Variants in ADGRL3 observed in about 807,000 individuals in gnomAD.
ADGRL3 encodes the protein calcium-independent alpha-latrotoxin receptor 3.
Under a neutral mutation model 153.5 loss-of-function variants are expected in ADGRL3, and 62 were observed. That is an observed-to-expected ratio of 0.40 (90% confidence interval 0.33 to 0.50). The LOEUF (loss-of-function observed/expected upper bound fraction) is 0.50, where lower values mean the gene tolerates loss of function less well. Ranked by LOEUF, ADGRL3 falls within the 20% of genes least tolerant of loss-of-function variation. The probability of loss-of-function intolerance (pLI) is 0.47; values close to 1 mark genes in which losing one functional copy is unlikely to be tolerated. For synonymous variants in ADGRL3, 710 were observed against 672.5 expected (o/e 1.06, Z -0.86); for missense variants, 1,641 against 1,859.4 (o/e 0.88, Z 2.16).
chr4:61,837,034 G>C (rs926590668), intron 9 of ADGRL3, among the ~76,000 whole-genome samples: 4 of 152,068 alleles, frequency 2.6e-5, no homozygotes, highest in African/African-American at 9.7e-5. Flanking sequence ...TTGAAAATTT[G>C]ACAAGATAAA....
intron 1 of ADGRL3, among the ~76,000 whole-genome samples, chr4:61,331,950 T>C (rs1169427051): frequency 6.6e-6 from 1 of 152,036 alleles, no homozygotes; most frequent in Non-Finnish European, 1.5e-5. Context: ...CAGTGTTCTG[T>C]AGGAGTGGAC....
In ADGRL3 at chr4:61,270,793, CT is replaced by C. The variant is rs1379101403; in HGVS notation, c.-240+69031del. On this transcript the variant is annotated intron_variant, in intron 1 of 26. Transcript: ENST00000683033. ...AAAGCACCTGATTTTCTCTTTATGA[CT>C]TTACTGATCAGTTTTTGCATTGTCT... is the stretch of plus-strand genomic sequence containing the variant. 5.3e-5 allele frequency among the ~76,000 whole-genome samples: 8 copies of C among 151,622 alleles called. No homozygotes were observed. In the East Asian group the frequency reaches 1.4e-3, roughly 26 times the overall value.
intron 5 of ADGRL3, among the ~76,000 whole-genome samples, chr4:61,617,036 AT>A (rs759301444): frequency 2.6e-5 from 4 of 152,132 alleles, no homozygotes; most frequent in Non-Finnish European, 5.9e-5. Flanking sequence ...ATAATTTTTT[AT>A]ATTTGTGGTA....
At chr4:61,953,677 A>C (rs916648190) in intron 17 of ADGRL3, among the ~76,000 whole-genome samples, 3 of 152,332 alleles carry the variant, frequency 2.0e-5, no homozygotes, top group Admixed American at 2.0e-4. Flanking sequence ...AGCTAGAGTC[A>C]TAATTTTATA....
chr4:61,397,607 A>G (rs1484114738), intron 2 of ADGRL3, among the ~76,000 whole-genome samples: 2 of 151,894 alleles, frequency 1.3e-5, no homozygotes, highest in Non-Finnish European at 2.9e-5. Context: ...CCAGAATACC[A>G]GTATTCCTAA....
At chr4:61,409,074 C>T (rs1484411678) in intron 2 of ADGRL3, among the ~76,000 whole-genome samples, 1 of 150,712 alleles carries the variant, frequency 6.6e-6, no homozygotes, top group East Asian at 1.9e-4. Context: ...ACTATCTCTG[C>T]CTGACTCATT....
intron 1 of ADGRL3, among the ~76,000 whole-genome samples, chr4:61,326,883 T>C (rs2095476405): frequency 6.6e-6 from 1 of 151,944 alleles, no homozygotes; most frequent in South Asian, 2.1e-4. Context: ...AGTAGTTTCT[T>C]GGCTATCATT....
At chr4:61,828,407 AAAG>A (rs1336331901) in intron 9 of ADGRL3, among the ~76,000 whole-genome samples, 3 of 152,188 alleles carry the variant, frequency 2.0e-5, no homozygotes, top group Non-Finnish European at 4.4e-5. Context: ...TAAATTAAAA[AAAG>A]CGCAGGGTGC....
At chr4:61,646,925 C>A (rs771671880) in intron 5 of ADGRL3, among the ~76,000 whole-genome samples, 2 of 152,272 alleles carry the variant, frequency 1.3e-5, no homozygotes, top group East Asian at 3.9e-4. Flanking sequence ...TAGCAATCAG[C>A]GAGACTCCGT....
At chr4:61,948,342 C>T (rs752852859) in intron 17 of ADGRL3, 66 bp downstream of exon 17, 1 of 1,201,148 alleles carries the variant, frequency 8.3e-7, no homozygotes, top group Non-Finnish European at 1.2e-6. Context: ...GTAAATAGTC[C>T]TAACTATATG....
At chr4:61,686,411 T>C (rs1254823704) in intron 6 of ADGRL3, among the ~76,000 whole-genome samples, 1 of 152,144 alleles carries the variant, frequency 6.6e-6, no homozygotes, top group Admixed American at 6.6e-5. Context: ...GTTGATTTTC[T>C]TCTACTCCAA....
Position 61,202,926 on chromosome 4 carries a change from G to C in ADGRL3, c.-240+1161G>C, listed in dbSNP as rs1735455937. Among the ~76,000 whole-genome samples, 1 of 152,178 alleles carries C rather than the reference G, an allele frequency of 6.6e-6. No homozygotes were observed. The highest frequency in any genetic ancestry group is 1.5e-5 in the Non-Finnish European group (1 of 68,038). ...GCTGCTGGAGCTGAGCTTGCTTATTGAAATCGCCTGGGATCCTCTTAACTG... is the reference window on the plus strand; with the variant it reads ...GCTGCTGGAGCTGAGCTTGCTTATTCAAATCGCCTGGGATCCTCTTAACTG... On this transcript the variant is annotated intron_variant, in intron 1 of 26. Transcript: ENST00000683033. The surrounding 1 kb of genome is among the most constrained non-coding windows in gnomAD (Gnocchi z 5.0).
chr4:61,770,542 C>A (rs2097072274), intron 8 of ADGRL3, among the ~76,000 whole-genome samples: 1 of 152,060 alleles, frequency 6.6e-6, no homozygotes, highest in Admixed American at 6.5e-5. Context: ...AATTATATTT[C>A]CAATGTTTTG....
intron 9 of ADGRL3, among the ~76,000 whole-genome samples, chr4:61,840,001 T>A (rs2098003957): frequency 6.6e-6 from 1 of 151,998 alleles, no homozygotes; most frequent in South Asian, 2.1e-4. Flanking sequence ...CAGGTTCTTC[T>A]GTAATGAATG....
At chr4:61,630,110 T>C (rs1334851698) in intron 5 of ADGRL3, among the ~76,000 whole-genome samples, 1 of 152,192 alleles carries the variant, frequency 6.6e-6, no homozygotes, top group Non-Finnish European at 1.5e-5. Context: ...AAAGTTATTA[T>C]GCTTTTCCTG....
Position 61,936,697 on chromosome 4 carries a change from G to GTA in ADGRL3, c.2419+663_2419+664dup, listed in dbSNP as rs991212038. Among the ~76,000 whole-genome samples, 22 of 150,860 alleles carry GTA rather than the reference G, an allele frequency of 1.5e-4. No homozygotes were observed. The East Asian group carries it at 1.6e-3, about 11-fold the overall frequency. On this transcript the variant is annotated intron_variant, in intron 15 of 26. Coordinates refer to ENST00000683033, the MANE Select transcript of ADGRL3 (RefSeq NM_001387552.1). ...TATATATGTATGTATAGATGTGTGT[G>GTA]TATATATATATAAATATGTATATAT...
chr4:61,327,466 T>A (rs2095489197), intron 1 of ADGRL3, among the ~76,000 whole-genome samples: 1 of 151,876 alleles, frequency 6.6e-6, no homozygotes, highest in South Asian at 2.1e-4. Context: ...GATTACACAT[T>A]TAAGAACGAT....
At chr4:61,279,268 G>A (rs2093620876) in intron 1 of ADGRL3, among the ~76,000 whole-genome samples, 1 of 151,948 alleles carries the variant, frequency 6.6e-6, no homozygotes, top group African/African-American at 2.4e-5. Flanking sequence ...ATCAAAATTG[G>A]GTATTCATTG....
chr4:61,332,649 G>C (rs2095596851), intron 1 of ADGRL3, among the ~76,000 whole-genome samples: 1 of 152,068 alleles, frequency 6.6e-6, no homozygotes, highest in Admixed American at 6.6e-5. Context: ...AATAAAGAAA[G>C]TTAGTTGATG....
Sources: allele counts gnomAD v4.1 joint callset (sites outside exome capture counted in the v4.1 genomes callset), GRCh38; gene constraint gnomAD v4.1.1; non-coding constraint Gnocchi (gnomAD v3.1); transcripts MANE v1.5; gene names NCBI Gene and HGNC (gene_info 2026-07-23, HGNC 2026-07-21).